The following WDHD1 variants were observed in gnomAD, a reference collection of about 807,000 sequenced individuals.
The protein encoded by WDHD1 is WD repeat and HMG-box DNA binding protein 1.
A neutral mutation model predicts 135.4 loss-of-function variants in WDHD1; 111 were observed. The observed-to-expected ratio is 0.82, with a 90% CI of 0.70 to 0.96. WDHD1 has a LOEUF of 0.96. WDHD1 is among the 40% of genes least tolerant of loss of function. The probability of loss-of-function intolerance (pLI) is 0.00; values close to 1 mark genes in which losing one functional copy is unlikely to be tolerated. For synonymous variants in WDHD1, 434 were observed against 439.0 expected, an observed-to-expected ratio of 0.99 and a Z score of 0.14; for missense variants, 1,351 against 1,336.3, an observed-to-expected ratio of 1.01 and a Z score of -0.17.
At chr14:54,996,462 T>C (rs1555370623) in intron 10 of WDHD1, among the ~76,000 whole-genome samples, 1 of 151,960 alleles carries the variant, frequency 6.6e-6, no homozygotes, top group Non-Finnish European at 1.5e-5. Flanking sequence ...TAGCCAGGCA[T>C]GGTGGCATGT....
chr14:54,981,531 AT>A lies in WDHD1; in HGVS notation c.2063+8del. 1 of 1,608,504 alleles carries A rather than the reference AT, an allele frequency of 6.2e-7. No individual in the cohort carries two copies. The highest frequency in any genetic ancestry group is 8.5e-7 in the Non-Finnish European group (1 of 1,178,380). On this transcript the variant is annotated splice_region_variant and intron_variant, in intron 16 of 25. Transcript: ENST00000360586. ...AAGAGTCAACTTTAGACTTCTTTTA[AT>A]AGCCCACCTTAGTTGCTGGGGATTT...
chr14:54,964,771 A>G (rs1165184298), intron 18 of WDHD1, among the ~76,000 whole-genome samples: 1 of 152,230 alleles, frequency 6.6e-6, no homozygotes, highest in Non-Finnish European at 1.5e-5. Context: ...GGCTCAAGAT[A>G]TCCTCCTGCC....
At chr14:54,949,954 G>A (rs1171570305) in intron 24 of WDHD1, among the ~76,000 whole-genome samples, 8 of 152,092 alleles carry the variant, frequency 5.3e-5, no homozygotes, top group Non-Finnish European at 1.0e-4. Flanking sequence ...GAGAGATTTT[G>A]TCACCACCAC....
At chr14:54,962,658 A>G (rs1253259848) in intron 20 of WDHD1, 80 bp downstream of exon 20, 2 of 1,557,036 alleles carry the variant, frequency 1.3e-6, no homozygotes, top group Non-Finnish European at 8.8e-7. Flanking sequence ...TGAGTATTCA[A>G]TTTCCCTCAG....
chr14:54,985,505 G>C (rs937081123), intron 14 of WDHD1, among the ~76,000 whole-genome samples: 1 of 152,182 alleles, frequency 6.6e-6, no homozygotes, highest in African/African-American at 2.4e-5. Context: ...GGTTGGAGAG[G>C]CAGGCAAAGG....
chr14:54,993,106 G>C (rs940123170), intron 11 of WDHD1, among the ~76,000 whole-genome samples: 1 of 151,964 alleles, frequency 6.6e-6, no homozygotes, highest in Non-Finnish European at 1.5e-5. Context: ...TCAGACCAAT[G>C]AATTTTTTGA....
intron 5 of WDHD1, 118 bp from the exon 6 acceptor site, chr14:55,008,484 C>T: frequency 6.9e-7 from 1 of 1,443,752 alleles, no homozygotes; most frequent in Non-Finnish European, 9.4e-7. Context: ...CCTGCTAACT[C>T]TCTTACTGAA....
Position 54,941,069 on chromosome 14 carries a change from G to C in WDHD1, c.*421C>G, listed in dbSNP as rs2040829942. 1 of 153,734 alleles carries C rather than the reference G, an allele frequency of 6.5e-6. No homozygotes were observed. The highest frequency in any genetic ancestry group is 2.0e-4 in the South Asian group (1 of 4,936). The allele number at this position is 153,734 out of a possible 1,614,324, so 9.5% of individuals were successfully genotyped here. Reference sequence around the variant, plus strand: ...CCCCTAGGTCTAGTAGAAACATATAGAGAAGTCTATGCTAACACACTTGGA... The same window carrying C: ...CCCCTAGGTCTAGTAGAAACATATACAGAAGTCTATGCTAACACACTTGGA... On this transcript the variant is annotated 3_prime_UTR_variant, in exon 26 of 26. Transcript: ENST00000360586.
At chr14:54,973,238 A>G (rs1225429489) in intron 16 of WDHD1, among the ~76,000 whole-genome samples, 1 of 150,336 alleles carries the variant, frequency 6.7e-6, no homozygotes, top group Non-Finnish European at 1.5e-5. Flanking sequence ...TAATCAGGAC[A>G]TTCTTGAAGG....
chr14:55,008,625 G>A lies in WDHD1; in HGVS notation c.436C>T (p.Pro146Ser). 1 of 1,607,944 alleles carries A rather than the reference G, an allele frequency of 6.2e-7. No individual in the cohort carries two copies. Among genetic ancestry groups the A allele is most frequent in the Non-Finnish European group, 8.5e-7 (1 of 1,177,762 alleles). ...ATAATTACCAGAAAGATGTCCTTAG[G>A]ATCAAAGGAAAGACTTAAAACAGGG... Reference protein sequence around the residue: ...DAPVLSLSFDPKDIFLASASC... With the variant: ...DAPVLSLSFDSKDIFLASASC... Residue 146 changes from proline to serine, a missense_variant, in exon 5 of 26, where the codon CCT becomes TCT. Pro to Ser is a moderately conservative substitution (Grantham distance 74). This residue lies in a region of WDHD1 where 1,330 missense variants were observed against 1,296.1 expected (regional missense o/e 1.03). Transcript: ENST00000360586.
chr14:54,962,284 T>C (rs746215825), intron 21 of WDHD1, among the ~76,000 whole-genome samples: 14 of 152,150 alleles, frequency 9.2e-5, no homozygotes, highest in Non-Finnish European at 1.3e-4. Context: ...GTATCCACCA[T>C]TAAGTAAAAT....
intron 1 of WDHD1, 72 bp from the exon 2 acceptor site, chr14:55,026,875 G>C (rs891984948): frequency 8.2e-6 from 12 of 1,467,198 alleles, no homozygotes; most frequent in African/African-American, 1.4e-5. Context: ...GATAGGAAGA[G>C]AGCTTAGTCT....
In WDHD1 at chr14:54,995,700, C is replaced by A; in HGVS notation, c.1056G>T (p.Gly352=). The A allele has an allele frequency of 6.2e-7, 1 of 1,613,688 alleles. No individual in the cohort carries two copies. The highest frequency in any genetic ancestry group is 8.5e-7 in the Non-Finnish European group (1 of 1,179,862). ...CATCATCCTCATCATCATTTATAAT[C>A]CCTTTTGAAAAAGAAGGGATCTCAA... ...NAVEIPSFSK[G]IINDDEDDED... is the part of the protein sequence containing the mutation. The change falls in exon 11 of 26, where the codon GGG becomes GGT. Residue 352 remains glycine, a synonymous_variant. Transcript: ENST00000360586.
chr14:54,967,166 T>C, intron 17 of WDHD1, 114 bp downstream of exon 17: 2 of 862,968 alleles, frequency 2.3e-6, no homozygotes, highest in Non-Finnish European at 3.6e-6. Context: ...CCCCTATTTA[T>C]GTAATTATAC....
intron 24 of WDHD1, among the ~76,000 whole-genome samples, chr14:54,949,853 A>G (rs988124599): frequency 6.6e-5 from 10 of 152,228 alleles, no homozygotes; most frequent in African/African-American, 1.7e-4. Context: ...ATTCTTAAAG[A>G]AAAGAATTTT....
At chr14:55,023,775 CAGG>C (rs921922657) in intron 2 of WDHD1, among the ~76,000 whole-genome samples, 1 of 152,272 alleles carries the variant, frequency 6.6e-6, no homozygotes, top group Non-Finnish European at 1.5e-5. Context: ...GAAATAGCAA[CAGG>C]AGGTGGCTAT....
chr14:54,996,501 G>A (rs2041882045), intron 10 of WDHD1, among the ~76,000 whole-genome samples: 1 of 152,158 alleles, frequency 6.6e-6, no homozygotes, highest in Non-Finnish European at 1.5e-5. Context: ...CTGCGAGGCT[G>A]AGGTAGGAGG....
At chr14:54,995,284 T>C (rs1264322468) in intron 11 of WDHD1, among the ~76,000 whole-genome samples, 2 of 152,178 alleles carry the variant, frequency 1.3e-5, no homozygotes, top group Admixed American at 6.5e-5. Flanking sequence ...CCCGGCCTTA[T>C]TGATCTTGTC....
At chr14:54,997,926 G>C (rs2041912552) in intron 10 of WDHD1, among the ~76,000 whole-genome samples, 1 of 151,332 alleles carries the variant, frequency 6.6e-6, no homozygotes, top group Non-Finnish European at 1.5e-5. Context: ...AAAAAAAATG[G>C]GGAGGCCAGG....
Sources: gnomAD v4.1 joint callset for allele counts (sites outside exome capture counted in the v4.1 genomes callset) on GRCh38, gnomAD v4.1.1 for gene constraint, gnomAD v4.1.1 regional missense constraint, MANE v1.5 for transcripts, NCBI Gene and HGNC (gene_info 2026-07-23, HGNC 2026-07-21) for gene names.